Variants in DYRK1A observed in about 807,000 individuals in gnomAD.
DYRK1A encodes the protein dual specificity tyrosine phosphorylation regulated kinase 1A, also known as dual specificity tyrosine-phosphorylation-regulated kinase 1A.
DYRK1A carries 9 observed loss-of-function variants against 79.7 expected under a neutral mutation model. The observed-to-expected ratio is 0.11, with a 90% CI of 0.07 to 0.20. DYRK1A has a LOEUF of 0.20. Ranked by LOEUF, DYRK1A falls within the 10% of genes least tolerant of loss-of-function variation. The pLI is 1.00. For synonymous variants in DYRK1A, 349 were observed against 329.7 expected (o/e 1.06, Z -0.63); for missense variants, 622 against 956.0 (o/e 0.65, Z 4.61).
intron 1 of DYRK1A, among the ~76,000 whole-genome samples, chr21:37,403,106 G>C (rs997248732): frequency 6.6e-6 from 1 of 151,772 alleles, no homozygotes; most frequent in African/African-American, 2.4e-5. Context: ...CAAGTTTGCT[G>C]ATTTTTTTTC....
At position 37,519,736 on chromosome 21, in the gene DYRK1A, G is replaced by GTGTTTTTTTTTTTTTTTT. The variant is rs1329924530; in HGVS notation, c.*7206_*7207insGTTTTTTTTTTTTTTTTT. Reference sequence around the variant, plus strand: ...AGAGTTTTGAGGTTTGTTGTGGGAAGTTTTTTTTTTTTTTTTTTTTTTTGA... The same window carrying GTGTTTTTTTTTTTTTTTT: ...AGAGTTTTGAGGTTTGTTGTGGGAAGTGTTTTTTTTTTTTTTTTTTTTTTTTTTTTTTTTTTTTTTTGA... On this transcript the variant is annotated 3_prime_UTR_variant, in exon 12 of 12. Transcript: ENST00000647188. The GTGTTTTTTTTTTTTTTTT allele has an allele frequency of 2.3e-5, 2 of 85,800 alleles. No homozygotes were observed. The highest frequency in any genetic ancestry group is 9.7e-5 in the African/African-American group (2 of 20,578). The allele number at this position is 85,800 out of a possible 1,614,324, so 5.3% of individuals were successfully genotyped here. A position where few individuals can be genotyped will look rare whatever the true frequency, so the allele number is the denominator to read the frequency against.
chr21:37,389,910 T>C (rs773530673), intron 1 of DYRK1A, among the ~76,000 whole-genome samples: 35 of 151,428 alleles, frequency 2.3e-4, no homozygotes, highest in African/African-American at 2.9e-4. Flanking sequence ...TATTTACTTA[T>C]GTATTTTGTT....
At chr21:37,403,632 A>AT (rs201447410) in intron 1 of DYRK1A, among the ~76,000 whole-genome samples, 970 of 91,360 alleles carry the variant, frequency 0.011, 19 homozygotes, top group African/African-American at 0.044. Flanking sequence ...TGCTCAGCTA[A>AT]TTAAAAAAAA....
rs764600797 is a variant in DYRK1A, at chr21:37,462,774, G to T, written c.11-9910G>T. Among the ~76,000 whole-genome samples the T allele has an allele frequency of 2.0e-5, 3 of 152,164 alleles. No homozygotes were observed. In the South Asian group the frequency reaches 6.2e-4, roughly 32 times the overall value. On this transcript the variant is annotated intron_variant, in intron 2 of 11. Coordinates refer to ENST00000647188, the MANE Select transcript of DYRK1A (RefSeq NM_001347721.2). Reference sequence around the variant, plus strand: ...CTCCCCCTTCCTATATTGTACCCTGGAAAGTGCCTCTAGATAGGAAACCAG... The same window carrying T: ...CTCCCCCTTCCTATATTGTACCCTGTAAAGTGCCTCTAGATAGGAAACCAG...
chr21:37,394,804 C>T (rs1423286906), intron 1 of DYRK1A, among the ~76,000 whole-genome samples: 1 of 152,202 alleles, frequency 6.6e-6, no homozygotes, highest in Non-Finnish European at 1.5e-5. Context: ...TTATGGGATA[C>T]TCAGCTCCAC....
In DYRK1A at chr21:37,378,157, G is replaced by C. The variant is rs2049585559; in HGVS notation, c.-77+10529G>C. On this transcript the variant is annotated intron_variant, in intron 1 of 11. Transcript: ENST00000647188. ...CATTTCTTTAATTATGACTGAGTTTGAACACCTTAAGTTGTACTATAAGAT... is the reference window on the plus strand; with the variant it reads ...CATTTCTTTAATTATGACTGAGTTTCAACACCTTAAGTTGTACTATAAGAT... Among the ~76,000 whole-genome samples the C allele has an allele frequency of 2.0e-5, 3 of 152,290 alleles. No homozygotes were observed. In the South Asian group the frequency reaches 6.2e-4, roughly 32 times the overall value.
intron 1 of DYRK1A, among the ~76,000 whole-genome samples, chr21:37,381,663 T>C (rs1459752401): frequency 1.3e-5 from 2 of 152,150 alleles, no homozygotes; most frequent in Non-Finnish European, 2.9e-5. Context: ...GGTGTGGTGG[T>C]CCGCAGTCCA....
At chr21:37,479,619 G>GTTTTTGTTTTTTTTTTTTTTTTT (rs2052550822) in intron 4 of DYRK1A, among the ~76,000 whole-genome samples, 12 of 73,924 alleles carry the variant, frequency 1.6e-4, no homozygotes, top group Admixed American at 4.9e-4. Flanking sequence ...TTTGTTTTTT[G>GTTTTTGTTTTTTTTTTTTTTTTT]TTTTTTTTTT....
chr21:37,493,462 G>C (rs1395217610), intron 8 of DYRK1A, among the ~76,000 whole-genome samples: 6 of 152,180 alleles, frequency 3.9e-5, no homozygotes, highest in Non-Finnish European at 8.8e-5. Context: ...AGATGATAAA[G>C]AATGAAGGCC....
rs372217349 is a variant in DYRK1A at position 37,505,473 on chromosome 21, G to C, written c.1403G>C (p.Ser468Thr). 5 of 1,614,034 alleles carry C rather than the reference G, an allele frequency of 3.1e-6. No homozygotes were observed. The highest frequency in any genetic ancestry group is 4.2e-6 in the Non-Finnish European group (5 of 1,180,042). ...RIQPYYALQH[S>T]FFKKTADEGT... The stretch of plus-strand genomic sequence containing the variant: ...CAACCTTATTATGCTCTGCAGCACA[G>C]TTTCTTCAAGAAAACAGCTGATGAA... The change falls in exon 10 of 12, where the codon AGT becomes ACT. Residue 468 changes from serine (S) to threonine (T), a missense_variant. Physicochemically the swap from Ser to Thr is moderately conservative, Grantham distance 58 (BLOSUM62 1). This residue lies in a region of DYRK1A where 21 missense variants were observed against 62.5 expected (regional missense o/e 0.34). Coordinates refer to ENST00000647188, the MANE Select transcript of DYRK1A (RefSeq NM_001347721.2).
At chr21:37,467,059 G>T (rs73903991) in intron 2 of DYRK1A, among the ~76,000 whole-genome samples, 7,740 of 149,442 alleles carry the variant, frequency 0.052, 717 homozygotes, top group African/African-American at 0.18. Flanking sequence ...ATGATCCTTA[G>T]TGGAAAGAGC....
intron 1 of DYRK1A, among the ~76,000 whole-genome samples, chr21:37,394,858 T>C (rs986729037): frequency 2.0e-5 from 3 of 152,202 alleles, no homozygotes; most frequent in East Asian, 3.8e-4. Context: ...ACCCTGAATA[T>C]GTACTTGTGA....
At chr21:37,420,070 T>C (rs989029460) in intron 1 of DYRK1A, 1 of 223,338 alleles carries the variant, frequency 4.5e-6, no homozygotes, top group African/African-American at 2.3e-5. Context: ...TAGGCACATT[T>C]TGAAACTGTT....
At position 37,512,445 on chromosome 21, in the gene DYRK1A, C is replaced by T; in HGVS notation, c.2179C>T (p.His727Tyr). 1.9e-6 allele frequency: 3 copies of T among 1,614,202 alleles called. No individual in the cohort carries two copies. The highest frequency in any genetic ancestry group is 2.5e-6 in the Non-Finnish European group (3 of 1,180,038). Residue 727 changes from histidine (H) to tyrosine (Y), a missense_variant, in exon 12 of 12, where the codon CAT (histidine) becomes TAT (tyrosine). Physicochemically the swap from His to Tyr is moderately conservative, Grantham distance 83. Transcript: ENST00000647188. ...TGPAHYMTEG[H>Y]LTMRQGADRE... Reference sequence around the variant, plus strand: ...TCCTGCACATTACATGACTGAAGGACATCTGACAATGAGGCAAGGGGCTGA... The same window carrying T: ...TCCTGCACATTACATGACTGAAGGATATCTGACAATGAGGCAAGGGGCTGA...
rs374575675 is a variant in DYRK1A at position 37,454,787 on chromosome 21, C to G, written c.11-17897C>G. On this transcript the variant is annotated intron_variant, in intron 2 of 11. Transcript: ENST00000647188. The stretch of plus-strand genomic sequence containing the variant: ...GTTAAGATTATGTGCTGCGGAAAAC[C>G]AGATGACTTAAAGAGGATTTAATGA... Among the ~76,000 whole-genome samples the G allele has an allele frequency of 8.0e-4, 122 of 152,196 alleles. 1 individual carries two copies. The South Asian group carries it at 0.013, about 17-fold the overall frequency.
intron 11 of DYRK1A, among the ~76,000 whole-genome samples, chr21:37,510,910 G>A (rs1486473159): frequency 6.6e-6 from 1 of 152,098 alleles, no homozygotes; most frequent in African/African-American, 2.4e-5. Context: ...GCTCAGGAAC[G>A]AGAAGAATAT....
At chr21:37,450,663 G>A (rs987076966) in intron 2 of DYRK1A, among the ~76,000 whole-genome samples, 1 of 152,190 alleles carries the variant, frequency 6.6e-6, no homozygotes, top group African/African-American at 2.4e-5. Flanking sequence ...TTAGGAGCTC[G>A]TGAGAGTTCC....
intron 2 of DYRK1A, among the ~76,000 whole-genome samples, chr21:37,457,037 C>CTTAT (rs57947572): frequency 0.063 from 3,722 of 59,056 alleles, 66 homozygotes; most frequent in African/African-American, 0.069. Context: ...TACTTACTTA[C>CTTAT]TTATTTATTT....
chr21:37,390,542 C>T (rs937905528), intron 1 of DYRK1A, among the ~76,000 whole-genome samples: 1 of 152,038 alleles, frequency 6.6e-6, no homozygotes, highest in Admixed American at 6.6e-5. Context: ...GAGAATGTTG[C>T]CTAGGATCAT....
Sources: allele counts gnomAD v4.1 joint callset (sites outside exome capture counted in the v4.1 genomes callset), GRCh38; gene constraint gnomAD v4.1.1; regional missense constraint gnomAD v4.1.1; transcripts MANE v1.5; gene names NCBI Gene and HGNC (gene_info 2026-07-23, HGNC 2026-07-21).